Variants in CSNK1G3 observed in about 807,000 individuals in gnomAD.
The protein encoded by CSNK1G3 is casein kinase 1 gamma 3, also known as casein kinase I isoform gamma-3.
Under a neutral mutation model 64.3 loss-of-function variants are expected in CSNK1G3, and 23 were observed. The observed-to-expected ratio is 0.36, with a 90% CI of 0.26 to 0.51. The LOEUF (loss-of-function observed/expected upper bound fraction) is 0.51, where lower values mean the gene tolerates loss of function less well. Among genes scored for constraint, CSNK1G3 ranks in the 20% least tolerant of loss-of-function variants. The pLI is 0.96. For synonymous variants in CSNK1G3, 158 were observed against 162.2 expected, an observed-to-expected ratio of 0.97 and a Z score of 0.20; for missense variants, 357 against 510.5, an observed-to-expected ratio of 0.70 and a Z score of 2.90.
rs867504188 is a variant in CSNK1G3, at chr5:123,540,790, G to A, written c.-247-4627G>A. On this transcript the variant is annotated intron_variant, in intron 1 of 12. Coordinates refer to ENST00000345990, the Ensembl canonical transcript of CSNK1G3. ...TGGGACTACAGGCATGTGCCACCAC[G>A]TCTGGCTAATTTTTGTATTTTTAAC... 1.7e-4 allele frequency among the ~76,000 whole-genome samples: 26 copies of A among 152,090 alleles called. No homozygotes were observed. In the South Asian group the frequency reaches 4.6e-3, roughly 27 times the overall value.
At chr5:123,583,639 C>T (rs1790773988) in intron 6 of CSNK1G3, among the ~76,000 whole-genome samples, 1 of 152,112 alleles carries the variant, frequency 6.6e-6, no homozygotes, top group Admixed American at 6.5e-5. Flanking sequence ...GCTGGGATTA[C>T]AGGCGTGAGC....
At chr5:123,543,755 A>G (rs1488902024) in intron 1 of CSNK1G3, among the ~76,000 whole-genome samples, 1 of 152,070 alleles carries the variant, frequency 6.6e-6, no homozygotes, top group East Asian at 1.9e-4. Flanking sequence ...GGTGCTTCAT[A>G]TGTTTTGTCC....
chr5:123,603,158 C>G (rs1233581558), intron 10 of CSNK1G3, among the ~76,000 whole-genome samples: 1 of 152,022 alleles, frequency 6.6e-6, no homozygotes, highest in East Asian at 1.9e-4. Flanking sequence ...CATTAGTAAC[C>G]TTTAAGATAA....
At chr5:123,567,189 A>G (rs992734644) in intron 4 of CSNK1G3, among the ~76,000 whole-genome samples, 2 of 152,254 alleles carry the variant, frequency 1.3e-5, no homozygotes, top group Non-Finnish European at 2.9e-5. Context: ...ACCCAGTCCC[A>G]TAATTCAGTC....
At chr5:123,524,596 C>T (rs1342139063) in intron 1 of CSNK1G3, among the ~76,000 whole-genome samples, 1 of 152,030 alleles carries the variant, frequency 6.6e-6, no homozygotes, top group African/African-American at 2.4e-5. Context: ...GGTTCCTATT[C>T]CCATACTTTG....
At chr5:123,608,025 G>A (rs763608918) in intron 12 of CSNK1G3, among the ~76,000 whole-genome samples, 1 of 151,972 alleles carries the variant, frequency 6.6e-6, no homozygotes, top group Non-Finnish European at 1.5e-5. Context: ...GAACTATTGG[G>A]CTCAAGTGAT....
chr5:123,520,676 G>A (rs146027880), intron 1 of CSNK1G3, among the ~76,000 whole-genome samples: 1 of 151,770 alleles, frequency 6.6e-6, no homozygotes, highest in Admixed American at 6.6e-5. Flanking sequence ...AATTGAAATT[G>A]GCCATATAAT....
intron 6 of CSNK1G3, among the ~76,000 whole-genome samples, chr5:123,583,006 C>A (rs146084831): frequency 2.0e-5 from 3 of 152,068 alleles, no homozygotes; most frequent in African/African-American, 7.2e-5. Flanking sequence ...TTTTGAAATG[C>A]TTTGTGGGTT....
At chr5:123,613,928 G>A (rs542505713) in intron 12 of CSNK1G3, among the ~76,000 whole-genome samples, 4 of 152,052 alleles carry the variant, frequency 2.6e-5, no homozygotes, top group African/African-American at 9.7e-5. Flanking sequence ...GTGTATATTG[G>A]AGTGTCTTTT....
chr5:123,562,421 G>A (rs1026031723), intron 4 of CSNK1G3, among the ~76,000 whole-genome samples: 5 of 152,002 alleles, frequency 3.3e-5, no homozygotes, highest in African/African-American at 1.2e-4. Flanking sequence ...CAGAATGATT[G>A]GCACTTGTAG....
At chr5:123,530,474 A>G (rs1305072861) in intron 1 of CSNK1G3, among the ~76,000 whole-genome samples, 1 of 152,190 alleles carries the variant, frequency 6.6e-6, no homozygotes, top group Non-Finnish European at 1.5e-5. Flanking sequence ...CCAATGATAC[A>G]TGTACATTCA....
At chr5:123,535,776 A>G (rs890075915) in intron 1 of CSNK1G3, among the ~76,000 whole-genome samples, 27 of 152,138 alleles carry the variant, frequency 1.8e-4, no homozygotes, top group African/African-American at 6.3e-4. Flanking sequence ...TGTTTTCTCA[A>G]TGGATTGCTT....
chr5:123,564,257 G>A (rs975579743), intron 4 of CSNK1G3, among the ~76,000 whole-genome samples: 2 of 151,910 alleles, frequency 1.3e-5, no homozygotes, highest in African/African-American at 2.4e-5. Context: ...TTTTAGTTTG[G>A]TTTATATGGT....
At chr5:123,607,013 T>C (rs1359539880) in intron 12 of CSNK1G3, among the ~76,000 whole-genome samples, 2 of 152,106 alleles carry the variant, frequency 1.3e-5, no homozygotes, top group Non-Finnish European at 2.9e-5. Context: ...TTGATGGAGG[T>C]GGCTCTGAAG....
At chr5:123,580,382 A>T (rs1790011569) in intron 6 of CSNK1G3, among the ~76,000 whole-genome samples, 1 of 152,012 alleles carries the variant, frequency 6.6e-6, no homozygotes, top group Non-Finnish European at 1.5e-5. Context: ...ATATAATAAT[A>T]TAGAAGAATA....
chr5:123,612,584 T>C (rs770538598), intron 12 of CSNK1G3, among the ~76,000 whole-genome samples: 41 of 152,000 alleles, frequency 2.7e-4, no homozygotes, highest in Admixed American at 5.9e-4. Context: ...TTCAAGTGAT[T>C]CTCCTGCCTC....
At chr5:123,596,342 G>T (rs1441952323) in intron 10 of CSNK1G3, among the ~76,000 whole-genome samples, 1 of 152,044 alleles carries the variant, frequency 6.6e-6, no homozygotes, top group Non-Finnish European at 1.5e-5. Flanking sequence ...AGTTAGAAAA[G>T]CTAATTCAGC....
intron 1 of CSNK1G3, among the ~76,000 whole-genome samples, chr5:123,513,241 G>T (rs1380527507): frequency 6.6e-6 from 1 of 152,190 alleles, no homozygotes; most frequent in Non-Finnish European, 1.5e-5. Context: ...CCCACATGCA[G>T]GGGAAGTGAC....
At chr5:123,610,516 C>T (rs1432248683) in intron 12 of CSNK1G3, among the ~76,000 whole-genome samples, 1 of 151,910 alleles carries the variant, frequency 6.6e-6, no homozygotes, top group African/African-American at 2.4e-5. Context: ...GAAGTATATA[C>T]AAATATATGA....
Sources: gnomAD v4.1 joint callset for allele counts (sites outside exome capture counted in the v4.1 genomes callset) on GRCh38, gnomAD v4.1.1 for gene constraint, MANE v1.5 for transcripts, NCBI Gene and HGNC (gene_info 2026-07-23, HGNC 2026-07-21) for gene names.